The following ANKRD44 variants were observed in gnomAD, a reference collection of about 807,000 sequenced individuals.
ANKRD44 encodes the protein ankyrin repeat domain 44, also known as serine/threonine-protein phosphatase 6 regulatory ankyrin repeat subunit B.
Under a neutral mutation model 116.0 loss-of-function variants are expected in ANKRD44, and 35 were observed. That is an observed-to-expected ratio of 0.30 (90% CI 0.23 to 0.40). The LOEUF (loss-of-function observed/expected upper bound fraction) is 0.40, where lower values mean the gene tolerates loss of function less well. Ranked by LOEUF, ANKRD44 falls within the 10% of genes least tolerant of loss-of-function variation. The pLI is 1.00. For missense variants in ANKRD44, 1,014 were observed against 1,242.6 expected, an observed-to-expected ratio of 0.82 and a Z score of 2.77; for synonymous variants, 435 against 461.8, an observed-to-expected ratio of 0.94 and a Z score of 0.74.
chr2:197,098,986 C>T (rs1297471518), intron 10 of ANKRD44, among the ~76,000 whole-genome samples: 5 of 152,058 alleles, frequency 3.3e-5, no homozygotes, highest in Admixed American at 2.6e-4. Flanking sequence ...CAAGCTCTTC[C>T]CTGGTGTGGA....
intron 2 of ANKRD44, among the ~76,000 whole-genome samples, chr2:197,163,502 C>T (rs147790618): frequency 2.0e-5 from 3 of 152,248 alleles, no homozygotes; most frequent in Admixed American, 2.0e-4. Flanking sequence ...CCCCAACATG[C>T]GCATGAAAAA....
intron 20 of ANKRD44, among the ~76,000 whole-genome samples, chr2:197,006,545 C>T (rs971695829): frequency 2.6e-5 from 4 of 152,114 alleles, no homozygotes; most frequent in East Asian, 1.9e-4. Flanking sequence ...CAGGTCAGTT[C>T]GCCTCTCCAT....
At chr2:197,229,919 A>G (rs2081817033) in intron 1 of ANKRD44, among the ~76,000 whole-genome samples, 1 of 152,160 alleles carries the variant, frequency 6.6e-6, no homozygotes, top group African/African-American at 2.4e-5. Flanking sequence ...CTTGGGAGTG[A>G]ATAATATAGA....
intron 1 of ANKRD44, among the ~76,000 whole-genome samples, chr2:197,279,272 T>C (rs774688317): frequency 5.9e-5 from 9 of 152,164 alleles, no homozygotes; most frequent in Non-Finnish European, 1.3e-4. Flanking sequence ...AGCCTACCTG[T>C]ATACAATAAA....
intron 2 of ANKRD44, among the ~76,000 whole-genome samples, chr2:197,186,709 A>G (rs1393646083): frequency 1.4e-5 from 2 of 139,360 alleles, no homozygotes. Flanking sequence ...GATCTGCCCA[A>G]CTCAGCCTCC....
intron 1 of ANKRD44, among the ~76,000 whole-genome samples, chr2:197,278,439 C>T (rs1449266387): frequency 6.6e-6 from 1 of 151,448 alleles, no homozygotes. Context: ...TCACTGCAAC[C>T]TCCACCTCCC....
intron 4 of ANKRD44, chr2:197,133,877 C>T (rs1156447912): frequency 6.6e-6 from 1 of 151,956 alleles, no homozygotes; most frequent in Non-Finnish European, 1.5e-5. Context: ...ATGTCTTCTC[C>T]ACCGTCAGCT....
chr2:196,988,393 A>G lies in ANKRD44; in HGVS notation c.*1198T>C. 2 of 985,458 alleles carry G rather than the reference A, an allele frequency of 2.0e-6. No individual in the cohort carries two copies. The highest frequency in any genetic ancestry group is 2.4e-6 in the Non-Finnish European group (2 of 829,932). 61.0% of individuals were successfully genotyped at this position (985,458 alleles called of 1,614,324 possible). On this transcript the variant is annotated 3_prime_UTR_variant, in exon 28 of 28. Coordinates refer to ENST00000282272, the MANE Select transcript of ANKRD44 (RefSeq NM_001195144.2). Reference sequence around the variant, plus strand: ...AAAATTCATCTTCTCTAAACAAACGAAAAGGACAGAAGGTGGGAAGCACAA... The same window carrying G: ...AAAATTCATCTTCTCTAAACAAACGGAAAGGACAGAAGGTGGGAAGCACAA...
At chr2:197,059,569 C>G (rs1458826252) in intron 16 of ANKRD44, among the ~76,000 whole-genome samples, 1 of 152,134 alleles carries the variant, frequency 6.6e-6, no homozygotes, top group African/African-American at 2.4e-5. Context: ...AGCACAGATT[C>G]AAGTAAGTAG....
intron 4 of ANKRD44, 100 bp from the exon 5 acceptor site, chr2:197,126,137 G>A (rs751849402): frequency 6.0e-5 from 74 of 1,227,724 alleles, no homozygotes; most frequent in Non-Finnish European, 8.4e-5. Context: ...TGGAGAGAAA[G>A]GCTCCCCAAC....
Position 197,026,052 on chromosome 2 carries a change from A to C in ANKRD44, c.1651-785T>G, listed in dbSNP as rs962464606. 2.1e-4 allele frequency among the ~76,000 whole-genome samples: 32 copies of C among 151,596 alleles called. 3 individuals carry two copies. The highest frequency in any genetic ancestry group is 1.9e-4 in the African/African-American group (8 of 41,364). On this transcript the variant is annotated intron_variant, in intron 16 of 27. Coordinates refer to ENST00000282272, the MANE Select transcript of ANKRD44 (RefSeq NM_001195144.2). ...AAGGGGGAGATAAAAAGAAACAAAA[A>C]AAAAAAAAACACCTTTCTGGGCAAT...
intron 16 of ANKRD44, among the ~76,000 whole-genome samples, chr2:197,044,835 G>T (rs2076973221): frequency 6.6e-6 from 1 of 151,422 alleles, no homozygotes; most frequent in Non-Finnish European, 1.5e-5. Context: ...TTCCATAAAA[G>T]AGCTATAAAA....
At chr2:197,016,130 G>C in intron 17 of ANKRD44, 1 of 326,366 alleles carries the variant, frequency 3.1e-6, no homozygotes, top group South Asian at 2.6e-5. Flanking sequence ...GTAAAAATCT[G>C]CCACAGGAAT....
At chr2:197,137,895 A>G (rs2079258877) in intron 3 of ANKRD44, among the ~76,000 whole-genome samples, 1 of 152,174 alleles carries the variant, frequency 6.6e-6, no homozygotes, top group African/African-American at 2.4e-5. Flanking sequence ...GTCAGTAAGG[A>G]CCACAGTAAA....
chr2:197,236,862 G>A (rs542094878), intron 1 of ANKRD44, among the ~76,000 whole-genome samples: 4 of 152,318 alleles, frequency 2.6e-5, no homozygotes, highest in African/African-American at 9.6e-5. Flanking sequence ...AAGGTCTGAA[G>A]GCTACTGTTT....
At chr2:197,284,905 T>A (rs1014843120) in intron 1 of ANKRD44, among the ~76,000 whole-genome samples, 1 of 151,440 alleles carries the variant, frequency 6.6e-6, no homozygotes, top group African/African-American at 2.4e-5. Context: ...AAAATTAAAT[T>A]TTTTTTTACA....
intron 6 of ANKRD44, 29 bp from the exon 7 acceptor site, chr2:197,122,821 G>A (rs776205588): frequency 2.1e-5 from 34 of 1,609,326 alleles, no homozygotes; most frequent in Non-Finnish European, 2.5e-5. Context: ...AGAAAACATC[G>A]TTAACCTTTA....
At chr2:197,261,181 G>A (rs1310096137) in intron 1 of ANKRD44, among the ~76,000 whole-genome samples, 1 of 151,174 alleles carries the variant, frequency 6.6e-6, no homozygotes, top group Non-Finnish European at 1.5e-5. Flanking sequence ...GTATTGCCTA[G>A]GTTTTCTTCT....
chr2:197,046,515 C>T (rs2077003594), intron 16 of ANKRD44, among the ~76,000 whole-genome samples: 1 of 151,928 alleles, frequency 6.6e-6, no homozygotes, highest in South Asian at 2.1e-4. Flanking sequence ...AGTCATTCTC[C>T]CAGGAGCCTG....
Sources: gnomAD v4.1 joint callset for allele counts (sites outside exome capture counted in the v4.1 genomes callset) on GRCh38, gnomAD v4.1.1 for gene constraint, MANE v1.5 for transcripts, NCBI Gene and HGNC (gene_info 2026-07-23, HGNC 2026-07-21) for gene names.